The following NOL10 variants were observed in gnomAD, a reference collection of about 807,000 sequenced individuals.
The protein encoded by NOL10 is H_NH0074G24.1.
Under a neutral mutation model 103.5 loss-of-function variants are expected in NOL10, and 58 were observed. The observed-to-expected ratio is 0.56, with a 90% CI of 0.45 to 0.70. The LOEUF (loss-of-function observed/expected upper bound fraction) is 0.70. NOL10 is among the 30% of genes least tolerant of loss of function. The pLI, the probability that NOL10 is intolerant of heterozygous loss-of-function variation, is 0.00. For synonymous variants in NOL10, 287 were observed against 282.5 expected, an observed-to-expected ratio of 1.02 and a Z score of -0.16; for missense variants, 763 against 807.3, an observed-to-expected ratio of 0.95 and a Z score of 0.67.
In NOL10 at chr2:10,685,947, A is replaced by G. The variant is rs373232678; in HGVS notation, c.67-1335T>C. On this transcript the variant is annotated intron_variant, in intron 1 of 20. Coordinates refer to ENST00000381685, the MANE Select transcript of NOL10 (RefSeq NM_024894.4). ...CATGTTGGTACACACCTGTAGTCCC[A>G]GCTACTCAGTAGGCTGAGGTGCAAG... 7.4e-3 allele frequency among the ~76,000 whole-genome samples: 737 copies of G among 99,622 alleles called. 10 individuals carry two copies. Among genetic ancestry groups the G allele is most frequent in the African/African-American group, 0.019 (688 of 36,596 alleles). The allele number at this position is 99,622 out of a possible 152,430, so 65.4% of individuals were successfully genotyped here.
chr2:10,601,667 G>A (rs933791075), intron 16 of NOL10, among the ~76,000 whole-genome samples: 1 of 152,134 alleles, frequency 6.6e-6, no homozygotes, highest in Admixed American at 6.5e-5. Flanking sequence ...CAAAAAATTA[G>A]TTGAGTGTGG....
chr2:10,652,906 A>G (rs1010398455), intron 12 of NOL10, among the ~76,000 whole-genome samples: 9 of 152,134 alleles, frequency 5.9e-5, no homozygotes, highest in South Asian at 2.1e-4. Flanking sequence ...TTAAAAACAC[A>G]CGTTTCTGGC....
chr2:10,613,074 C>T (rs1168832514), intron 13 of NOL10, among the ~76,000 whole-genome samples: 1 of 150,450 alleles, frequency 6.6e-6, no homozygotes, highest in Non-Finnish European at 1.5e-5. Context: ...GGAAAAAGGA[C>T]CTAAGTAAAT....
Position 10,671,632 on chromosome 2 carries a change from T to C in NOL10, c.386A>G (p.Tyr129Cys), listed in dbSNP as rs1680946961. The change falls in exon 6 of 21, where the codon TAC becomes TGC. Residue 129 changes from tyrosine to cysteine, a missense_variant. Tyr to Cys is a radical substitution (Grantham distance 194). Transcript: ENST00000381685. ...IEFHSQSGFYYKTRIPKFGRD... is the reference protein window; with the variant it reads ...IEFHSQSGFYCKTRIPKFGRD... Reference sequence around the variant, plus strand: ...CCCAAACTTTGGTATTCTGGTTTTGTAGTAAAAACCTGATTGCGAATGAAA... The same window carrying C: ...CCCAAACTTTGGTATTCTGGTTTTGCAGTAAAAACCTGATTGCGAATGAAA... 1 of 1,591,178 alleles carries C rather than the reference T, an allele frequency of 6.3e-7. No homozygotes were observed. Among genetic ancestry groups the C allele is most frequent in the Non-Finnish European group, 8.6e-7 (1 of 1,166,748 alleles).
At chr2:10,616,878 A>C (rs1022684890) in intron 13 of NOL10, among the ~76,000 whole-genome samples, 2 of 152,148 alleles carry the variant, frequency 1.3e-5, no homozygotes, top group Non-Finnish European at 1.5e-5. Flanking sequence ...AGGTTGCCTA[A>C]GCTCCCTCCC....
chr2:10,623,565 C>T, intron 13 of NOL10, among the ~76,000 whole-genome samples: 1 of 152,210 alleles, frequency 6.6e-6, no homozygotes, highest in East Asian at 1.9e-4. Context: ...AGACTATCAG[C>T]TCCTAGGCAG....
intron 17 of NOL10, among the ~76,000 whole-genome samples, chr2:10,593,098 A>G (rs1675476472): frequency 6.6e-6 from 1 of 151,820 alleles, no homozygotes; most frequent in Non-Finnish European, 1.5e-5. Context: ...AGTAACATAT[A>G]TGAAGAATGA....
In NOL10 at chr2:10,607,219, A is replaced by G; in HGVS notation, c.1119T>C (p.Tyr373=). ...ENPESTVYDD[Y]KFVTKKDLEN... Reference sequence around the variant, plus strand: ...CAAGGTCTTTCTTGGTGACAAATTTATAATCATCATAGACTGTGCTTTCTG... The same window carrying G: ...CAAGGTCTTTCTTGGTGACAAATTTGTAATCATCATAGACTGTGCTTTCTG... Residue 373 remains tyrosine, a synonymous_variant, in exon 14 of 21, where the codon TAT becomes TAC. Coordinates refer to ENST00000381685, the MANE Select transcript of NOL10 (RefSeq NM_024894.4). 6.3e-7 allele frequency: 1 copy of G among 1,592,712 alleles called. No individual in the cohort carries two copies. Among genetic ancestry groups the G allele is most frequent in the Non-Finnish European group, 8.6e-7 (1 of 1,169,136 alleles).
chr2:10,621,936 C>G, intron 13 of NOL10: 1 of 398,230 alleles, frequency 2.5e-6, no homozygotes, highest in South Asian at 1.9e-5. Flanking sequence ...AATAAGGCAG[C>G]CACTAAGCCA....
intron 13 of NOL10, among the ~76,000 whole-genome samples, chr2:10,613,085 T>G (rs1676655841): frequency 1.3e-5 from 2 of 151,622 alleles, no homozygotes; most frequent in African/African-American, 4.8e-5. Flanking sequence ...CTAAGTAAAT[T>G]ATTTTAATTT....
At position 10,671,571 on chromosome 2, in the gene NOL10, C is replaced by A; in HGVS notation, c.447G>T (p.Leu149Phe). ...TCCAATACCTTGCACCAACAAAGTA[C>A]AAGTCACAGGATGGATAGTGGTAAG... is the stretch of plus-strand genomic sequence containing the variant. ...DFSYHYPSCD[L>F]YFVGASSEVY... The change falls in exon 6 of 21, where the codon TTG becomes TTT. Residue 149 changes from leucine (L) to phenylalanine (F), a missense_variant. Leu to Phe is a conservative substitution (Grantham distance 22, BLOSUM62 0). Transcript: ENST00000381685. 6.2e-7 allele frequency: 1 copy of A among 1,606,148 alleles called. No individual in the cohort carries two copies. The highest frequency in any genetic ancestry group is 8.5e-7 in the Non-Finnish European group (1 of 1,176,480).
intron 8 of NOL10, among the ~76,000 whole-genome samples, chr2:10,666,755 T>G (rs1180214099): frequency 6.6e-6 from 1 of 150,908 alleles, no homozygotes; most frequent in East Asian, 1.9e-4. Flanking sequence ...TTCAGTTTGG[T>G]AAACCACTTT....
At chr2:10,598,192 A>G (rs1002396800) in intron 17 of NOL10, among the ~76,000 whole-genome samples, 5 of 152,146 alleles carry the variant, frequency 3.3e-5, no homozygotes, top group South Asian at 2.1e-4. Flanking sequence ...ACAAATCCCT[A>G]CGTAAATAAT....
intron 13 of NOL10, among the ~76,000 whole-genome samples, chr2:10,643,248 C>T (rs1678838306): frequency 6.6e-6 from 1 of 152,052 alleles, no homozygotes; most frequent in Non-Finnish European, 1.5e-5. Flanking sequence ...AAGCAGCATG[C>T]TTTTTTTATG....
chr2:10,602,595 T>C (rs1008318839), intron 16 of NOL10, among the ~76,000 whole-genome samples, 181 bp downstream of exon 16: 6 of 152,118 alleles, frequency 3.9e-5, no homozygotes, highest in Non-Finnish European at 8.8e-5. Context: ...GTAAAGAGTT[T>C]TGCACCCTCA....
chr2:10,627,473 A>T lies in NOL10; in HGVS notation c.1026+16847T>A, dbSNP rs142842428. 3.8e-3 allele frequency among the ~76,000 whole-genome samples: 582 copies of T among 152,242 alleles called. 8 individuals carry two copies. Among genetic ancestry groups the T allele is most frequent in the African/African-American group, 0.013 (534 of 41,522 alleles). ...AGCAGATCACGAGGTCAGGAGATCG[A>T]GACTATCTTGGCTAACACAGTGAAA... is the stretch of plus-strand genomic sequence containing the variant. On this transcript the variant is annotated intron_variant, in intron 13 of 20. Coordinates refer to ENST00000381685, the MANE Select transcript of NOL10 (RefSeq NM_024894.4).
At chr2:10,669,513 T>C (rs75579952) in intron 6 of NOL10, among the ~76,000 whole-genome samples, 2,546 of 133,042 alleles carry the variant, frequency 0.019, 154 homozygotes, top group South Asian at 0.047. Flanking sequence ...CACACATATA[T>C]ACACACACAC....
chr2:10,652,725 T>C (rs1305819604), intron 12 of NOL10, among the ~76,000 whole-genome samples: 1 of 152,158 alleles, frequency 6.6e-6, no homozygotes, highest in Non-Finnish European at 1.5e-5. Flanking sequence ...CAGCTTTCCC[T>C]ATCAGTAATC....
chr2:10,622,050 G>A (rs1677176393), intron 13 of NOL10: 1 of 470,974 alleles, frequency 2.1e-6, no homozygotes, highest in Non-Finnish European at 4.4e-6. Context: ...GTGACTAATG[G>A]CTACCACACA....
Sources: gnomAD v4.1 joint callset for allele counts (sites outside exome capture counted in the v4.1 genomes callset) on GRCh38, gnomAD v4.1.1 for gene constraint, MANE v1.5 for transcripts, NCBI Gene and HGNC (gene_info 2026-07-23, HGNC 2026-07-21) for gene names.